MOB3B: variants seen among roughly 807,000 people sequenced by gnomAD.
MOB3B encodes the protein MOB kinase activator-like 2B.
In MOB3B, 7 loss-of-function variants were observed where a neutral mutation model predicts 18.7. The observed-to-expected ratio is 0.37, with a 90% CI of 0.21 to 0.70. The LOEUF is 0.70. Among genes scored for constraint, MOB3B ranks in the 30% least tolerant of loss-of-function variants. The pLI, the probability that MOB3B is intolerant of heterozygous loss-of-function variation, is 0.52. For missense variants in MOB3B, 253 were observed against 281.3 expected, an observed-to-expected ratio of 0.90 and a Z score of 0.72; for synonymous variants, 111 against 99.9, an observed-to-expected ratio of 1.11 and a Z score of -0.66.
intron 1 of MOB3B, 125 bp from the exon 2 acceptor site, chr9:27,455,873 T>A (rs532912937): frequency 2.0e-6 from 2 of 977,092 alleles, no homozygotes; most frequent in Admixed American, 8.0e-5. Context: ...TATATGGGCA[T>A]GGGGGTTAAG....
chr9:27,334,219 A>G (rs1373137412), intron 3 of MOB3B, among the ~76,000 whole-genome samples: 1 of 152,254 alleles, frequency 6.6e-6, no homozygotes, highest in Non-Finnish European at 1.5e-5. Context: ...ATAAAGAAAA[A>G]TATGGGTCCA....
chr9:27,447,641 C>A (rs951177268), intron 2 of MOB3B, among the ~76,000 whole-genome samples: 5 of 152,206 alleles, frequency 3.3e-5, no homozygotes, highest in African/African-American at 1.2e-4. Flanking sequence ...TGCCTTTACT[C>A]CCCTTCCTTT....
intron 2 of MOB3B, among the ~76,000 whole-genome samples, chr9:27,395,412 C>T (rs1821784333): frequency 6.6e-6 from 1 of 151,744 alleles, no homozygotes; most frequent in African/African-American, 2.4e-5. Flanking sequence ...ACCATAAATA[C>T]ATATAATTTT....
chr9:27,434,450 C>G (rs1342823200), intron 2 of MOB3B, among the ~76,000 whole-genome samples: 2 of 146,342 alleles, frequency 1.4e-5, no homozygotes, highest in Non-Finnish European at 3.1e-5. Context: ...CCTTTTCTTT[C>G]TATGCTTTAA....
chr9:27,367,312 G>C (rs1821354925), intron 2 of MOB3B, among the ~76,000 whole-genome samples: 1 of 152,200 alleles, frequency 6.6e-6, no homozygotes, highest in Admixed American at 6.5e-5. Flanking sequence ...AAGCTTTGTA[G>C]GGTTTCTACA....
At chr9:27,376,313 A>G (rs1432524422) in intron 2 of MOB3B, among the ~76,000 whole-genome samples, 1 of 152,250 alleles carries the variant, frequency 6.6e-6, no homozygotes, top group Non-Finnish European at 1.5e-5. Flanking sequence ...AATCCCATTT[A>G]CATTACATTT....
chr9:27,505,264 C>T (rs1183901018), intron 1 of MOB3B, among the ~76,000 whole-genome samples: 1 of 152,174 alleles, frequency 6.6e-6, no homozygotes, highest in African/African-American at 2.4e-5. Flanking sequence ...TGCCTGCAAA[C>T]ATCTGTGTCC....
intron 1 of MOB3B, among the ~76,000 whole-genome samples, chr9:27,506,720 C>CG: frequency 6.6e-6 from 1 of 151,826 alleles, no homozygotes; most frequent in African/African-American, 2.4e-5. Context: ...TTAGTAGAGA[C>CG]GGGGTTTCAC....
chr9:27,349,310 T>C (rs116064434), intron 3 of MOB3B, among the ~76,000 whole-genome samples: 3,595 of 152,316 alleles, frequency 0.024, 136 homozygotes, highest in African/African-American at 0.081. Flanking sequence ...AGGTACTGCC[T>C]GTAACCTGCC....
intron 2 of MOB3B, among the ~76,000 whole-genome samples, chr9:27,435,142 C>G (rs1036579811): frequency 6.6e-6 from 1 of 151,842 alleles, no homozygotes; most frequent in Non-Finnish European, 1.5e-5. Context: ...AAGGCCTAGA[C>G]TAAAATCTGC....
intron 1 of MOB3B, among the ~76,000 whole-genome samples, chr9:27,528,453 G>T (rs1460498370): frequency 2.0e-5 from 3 of 152,254 alleles, no homozygotes; most frequent in Non-Finnish European, 4.4e-5. Context: ...TGAGATCTGA[G>T]AAATGCGCCC....
rs78873511 is a variant in MOB3B at position 27,341,208 on chromosome 9, G to C, written c.622-10592C>G. The stretch of plus-strand genomic sequence containing the variant: ...CACCAGAGTTTTATTTATTCTGACA[G>C]AAGCTTAATGGGGGCAACTCTTAAT... On this transcript the variant is annotated intron_variant, in intron 3 of 3. Coordinates refer to ENST00000262244, the MANE Select transcript of MOB3B (RefSeq NM_024761.5). Among the ~76,000 whole-genome samples, 1,009 of 152,330 alleles carry C rather than the reference G, an allele frequency of 6.6e-3. 79 individuals carry two copies. In the East Asian group the frequency reaches 0.17, roughly 26 times the overall value.
At chr9:27,342,533 A>G (rs1180265722) in intron 3 of MOB3B, among the ~76,000 whole-genome samples, 3 of 150,868 alleles carry the variant, frequency 2.0e-5, no homozygotes, top group East Asian at 2.0e-4. Context: ...GCTGGACTGT[A>G]CTGCCGCCAT....
chr9:27,415,357 A>G lies in MOB3B; in HGVS notation c.418+39776T>C, dbSNP rs564214148. ...ATTTCCTGCCTCTGAAGATGGCTCT[A>G]AAGTTATATAATACACTAACATTAG... is the stretch of plus-strand genomic sequence containing the variant. On this transcript the variant is annotated intron_variant, in intron 2 of 3. Transcript: ENST00000262244. Among the ~76,000 whole-genome samples, 172 of 152,312 alleles carry G rather than the reference A, an allele frequency of 1.1e-3. 1 individual carries two copies. Among genetic ancestry groups the G allele is most frequent in the African/African-American group, 4.0e-3 (166 of 41,574 alleles).
intron 3 of MOB3B, among the ~76,000 whole-genome samples, chr9:27,353,160 C>A (rs1281584098): frequency 6.6e-6 from 1 of 152,210 alleles, no homozygotes; most frequent in Non-Finnish European, 1.5e-5. Context: ...CATCTAGGGT[C>A]TTTTCCCTCA....
chr9:27,414,976 C>T (rs1171672633), intron 2 of MOB3B, among the ~76,000 whole-genome samples: 1 of 152,160 alleles, frequency 6.6e-6, no homozygotes, highest in African/African-American at 2.4e-5. Context: ...ATTCTCCTGC[C>T]TCAGCCTCCC....
At chr9:27,367,096 G>T (rs1295098749) in intron 2 of MOB3B, among the ~76,000 whole-genome samples, 3 of 152,182 alleles carry the variant, frequency 2.0e-5, no homozygotes, top group Non-Finnish European at 2.9e-5. Flanking sequence ...CTCCTTAGTG[G>T]CCTGGCACCT....
chr9:27,496,586 A>G (rs1290225394), intron 1 of MOB3B, among the ~76,000 whole-genome samples: 4 of 152,230 alleles, frequency 2.6e-5, no homozygotes, highest in African/African-American at 4.8e-5. Flanking sequence ...GTTCATCTCA[A>G]TAGAATAATA....
chr9:27,345,174 C>G (rs1450263189), intron 3 of MOB3B, among the ~76,000 whole-genome samples: 4 of 152,194 alleles, frequency 2.6e-5, no homozygotes, highest in Non-Finnish European at 5.9e-5. Flanking sequence ...CACACACAAA[C>G]ACTTTGCTTC....
Sources: allele counts gnomAD v4.1 joint callset (sites outside exome capture counted in the v4.1 genomes callset), GRCh38; gene constraint gnomAD v4.1.1; transcripts MANE v1.5; gene names NCBI Gene and HGNC (gene_info 2026-07-23, HGNC 2026-07-21).